Variants in UNC80 observed in about 807,000 individuals in gnomAD.
The protein encoded by UNC80 is protein unc-80 homolog.
In UNC80, 164 loss-of-function variants were observed where a neutral mutation model predicts 384.6. The ratio of observed to expected loss-of-function variants is 0.43; its 90% CI spans 0.38 to 0.49. The LOEUF (loss-of-function observed/expected upper bound fraction) is 0.49. Among genes scored for constraint, UNC80 ranks in the 20% least tolerant of loss-of-function variants. The probability of loss-of-function intolerance (pLI) is 0.00; values close to 1 mark genes in which losing one functional copy is unlikely to be tolerated. For synonymous variants in UNC80, 1,486 were observed against 1,527.8 expected, an observed-to-expected ratio of 0.97 and a Z score of 0.64; for missense variants, 3,330 against 4,143.0, an observed-to-expected ratio of 0.80 and a Z score of 5.39.
intron 5 of UNC80, among the ~76,000 whole-genome samples, chr2:209,789,180 T>G (rs1033917957): frequency 6.6e-6 from 1 of 152,296 alleles, no homozygotes; most frequent in African/African-American, 2.4e-5. Flanking sequence ...TCTCAGAACG[T>G]ATCTTTGTCC....
At chr2:209,895,602 G>A (rs1056455829) in intron 27 of UNC80, among the ~76,000 whole-genome samples, 33 of 152,062 alleles carry the variant, frequency 2.2e-4, no homozygotes, top group African/African-American at 7.5e-4. Flanking sequence ...TAAATTGATC[G>A]ATTTATCCTG....
chr2:209,873,361 T>G (rs1338928830), intron 23 of UNC80, among the ~76,000 whole-genome samples: 2 of 152,200 alleles, frequency 1.3e-5, no homozygotes, highest in Admixed American at 6.5e-5. Context: ...TACACCCTTA[T>G]TTCAGTTTCT....
chr2:209,938,676 G>GTCTCTCTCTCTCTCTC (rs10555565), intron 42 of UNC80, among the ~76,000 whole-genome samples: 9 of 137,474 alleles, frequency 6.5e-5, no homozygotes, highest in African/African-American at 1.9e-4. Context: ...CCTAGTCTCT[G>GTCTCTCTCTCTCTCTC]TCTCTCTCTC....
chr2:209,889,603 A>G (rs909061782), intron 26 of UNC80, among the ~76,000 whole-genome samples: 5 of 152,124 alleles, frequency 3.3e-5, no homozygotes, highest in Non-Finnish European at 5.9e-5. Context: ...TCAACCTGTC[A>G]TCTACATTAG....
chr2:209,774,674 AT>A (rs2076767220), intron 2 of UNC80, among the ~76,000 whole-genome samples: 1 of 152,134 alleles, frequency 6.6e-6, no homozygotes. Context: ...TAATATATGC[AT>A]CCTTTACTTA....
intron 7 of UNC80, among the ~76,000 whole-genome samples, chr2:209,798,493 G>A (rs559942045): frequency 3.4e-4 from 51 of 152,102 alleles, no homozygotes; most frequent in African/African-American, 1.2e-3. Context: ...TTATTTCTGA[G>A]GTCTCTGTTC....
At chr2:209,921,404 A>C (rs1191928906) in intron 33 of UNC80, 96 bp from the exon 34 acceptor site, 15 of 1,232,402 alleles carry the variant, frequency 1.2e-5, no homozygotes, top group Non-Finnish European at 1.6e-5. Context: ...CCTGAGGACA[A>C]ACTACTACGT....
chr2:209,880,384 A>T (rs1159778587), intron 24 of UNC80, among the ~76,000 whole-genome samples: 1 of 152,234 alleles, frequency 6.6e-6, no homozygotes, highest in Non-Finnish European at 1.5e-5. Flanking sequence ...ACTGTATGAT[A>T]TATGTGATCC....
chr2:209,804,998 G>A (rs1013667110), intron 7 of UNC80, among the ~76,000 whole-genome samples: 2 of 152,126 alleles, frequency 1.3e-5, no homozygotes, highest in South Asian at 2.1e-4. Context: ...TGTATTATCA[G>A]AAGCCATTTC....
intron 16 of UNC80, among the ~76,000 whole-genome samples, 178 bp downstream of exon 16, chr2:209,831,769 T>A (rs1359682160): frequency 6.6e-6 from 1 of 152,232 alleles, no homozygotes; most frequent in Non-Finnish European, 1.5e-5. Context: ...AACACTTTTC[T>A]TCTCCTTGTT....
chr2:209,988,949 T>C (rs1380549921), intron 61 of UNC80, among the ~76,000 whole-genome samples: 3 of 152,190 alleles, frequency 2.0e-5, no homozygotes, highest in Non-Finnish European at 4.4e-5. Context: ...GCTTATATCC[T>C]TATTGTTCCA....
chr2:209,941,287 T>C lies in UNC80; in HGVS notation c.6713T>C (p.Met2238Thr). Residue 2238 changes from methionine (M) to threonine (T), a missense_variant, in exon 44 of 65, where the codon ATG becomes ACG. Coordinates refer to ENST00000673920, the MANE Select transcript of UNC80 (RefSeq NM_001371986.1). Reference sequence around the variant, plus strand: ...TTGTGGATCCAGCTGCTGGAGGAAATGTTCCTGGGCATGCCGAGCGAGTTT... The same window carrying C: ...TTGTGGATCCAGCTGCTGGAGGAAACGTTCCTGGGCATGCCGAGCGAGTTT... ...KSLWIQLLEE[M>T]FLGMPSEFPW... 6.5e-7 allele frequency: 1 copy of C among 1,541,738 alleles called. No homozygotes were observed. Among genetic ancestry groups the C allele is most frequent in the Non-Finnish European group, 8.8e-7 (1 of 1,138,614 alleles).
intron 31 of UNC80, 42 bp from the exon 32 acceptor site, chr2:209,917,735 A>G (rs762630412): frequency 3.9e-5 from 61 of 1,547,796 alleles, no homozygotes; most frequent in Non-Finnish European, 3.2e-5. Flanking sequence ...GAACTAAGCA[A>G]TATTTTAAAA....
chr2:209,920,337 A>G (rs1250220646), intron 33 of UNC80, among the ~76,000 whole-genome samples: 1 of 152,244 alleles, frequency 6.6e-6, no homozygotes, highest in East Asian at 1.9e-4. Flanking sequence ...ATAAGCCAAC[A>G]AAGAGTTCTG....
rs555136604 is a variant in UNC80, at chr2:209,983,554, A to G, written c.9257+1237A>G. Among the ~76,000 whole-genome samples the G allele has an allele frequency of 2.0e-4, 28 of 142,972 alleles. No homozygotes were observed. The South Asian group carries it at 3.1e-3, about 16-fold the overall frequency. The allele number at this position is 142,972 out of a possible 152,430, so 93.8% of individuals were successfully genotyped here. A position where few individuals can be genotyped will look rare whatever the true frequency, so the allele number is the denominator to read the frequency against. On this transcript the variant is annotated intron_variant, in intron 60 of 64. Transcript: ENST00000673920. ...CATGTCCTAAAAAAGATATAAAGCC[A>G]CACAAGCAGCTAATATTGGTAGCTA... is the stretch of plus-strand genomic sequence containing the variant.
intron 58 of UNC80, among the ~76,000 whole-genome samples, 177 bp downstream of exon 58, chr2:209,977,255 A>C (rs923873786): frequency 6.6e-6 from 1 of 152,224 alleles, no homozygotes; most frequent in African/African-American, 2.4e-5. Flanking sequence ...ACTAGATTTG[A>C]CTTCCTCTTT....
chr2:209,983,803 T>C (rs1181498902), intron 60 of UNC80, among the ~76,000 whole-genome samples: 1 of 152,152 alleles, frequency 6.6e-6, no homozygotes, highest in African/African-American at 2.4e-5. Flanking sequence ...ATACATATCT[T>C]GATTGTACAT....
intron 7 of UNC80, among the ~76,000 whole-genome samples, chr2:209,797,640 G>A (rs1192604699): frequency 6.6e-6 from 1 of 152,150 alleles, no homozygotes; most frequent in African/African-American, 2.4e-5. Flanking sequence ...ACATATGTGT[G>A]CATGTGTCTT....
intron 25 of UNC80, among the ~76,000 whole-genome samples, chr2:209,886,074 C>G (rs888724064): frequency 1.3e-5 from 2 of 151,930 alleles, no homozygotes; most frequent in African/African-American, 4.8e-5. Context: ...AAAATTTTAT[C>G]TTATTGATGA....
Sources: allele counts gnomAD v4.1 joint callset (sites outside exome capture counted in the v4.1 genomes callset), GRCh38; gene constraint gnomAD v4.1.1; transcripts MANE v1.5; gene names NCBI Gene and HGNC (gene_info 2026-07-23, HGNC 2026-07-21).